The following PON3 variants were observed in gnomAD, a reference collection of about 807,000 sequenced individuals.
PON3 encodes the protein paraoxonase 3.
Under a neutral mutation model 36.3 loss-of-function variants are expected in PON3, and 37 were observed. That is an observed-to-expected ratio of 1.02 (90% confidence interval 0.78 to 1.34). PON3 has a LOEUF of 1.34. PON3 is among the 40% of genes most tolerant of loss of function. The probability of loss-of-function intolerance (pLI) is 0.00; values close to 1 mark genes in which losing one functional copy is unlikely to be tolerated. For missense variants in PON3, 415 were observed against 426.5 expected, an observed-to-expected ratio of 0.97 and a Z score of 0.24; for synonymous variants, 155 against 154.8, an observed-to-expected ratio of 1.00 and a Z score of -0.01.
At chr7:95,377,087 G>A (rs1808933943) in intron 3 of PON3, among the ~76,000 whole-genome samples, 1 of 152,224 alleles carries the variant, frequency 6.6e-6, no homozygotes. Context: ...AGCAGACCAG[G>A]AAATTCCCTC....
intron 3 of PON3, among the ~76,000 whole-genome samples, chr7:95,389,888 G>C (rs1246904525): frequency 6.6e-6 from 1 of 152,184 alleles, no homozygotes; most frequent in Non-Finnish European, 1.5e-5. Flanking sequence ...TAGGAATCGA[G>C]TGGAAATCAA....
chr7:95,372,136 C>T, intron 4 of PON3, 37 bp downstream of exon 4: 1 of 1,594,950 alleles, frequency 6.3e-7, no homozygotes, highest in Non-Finnish European at 8.6e-7. Context: ...TTCTATTTCC[C>T]TCATTTCCCC....
chr7:95,389,489 C>G (rs1240858161), intron 3 of PON3, among the ~76,000 whole-genome samples: 1 of 152,120 alleles, frequency 6.6e-6, no homozygotes, highest in Non-Finnish European at 1.5e-5. Context: ...TTTCAAAATG[C>G]AATTGATTTA....
At chr7:95,373,684 C>A (rs17886074) in intron 3 of PON3, among the ~76,000 whole-genome samples, 8,687 of 152,280 alleles carry the variant, frequency 0.057, 823 homozygotes, top group African/African-American at 0.2. Flanking sequence ...GATTGAAAAA[C>A]TCCACTACAA....
intron 1 of PON3, 37 bp from the exon 2 acceptor site, chr7:95,394,751 A>C (rs1457205964): frequency 6.5e-7 from 1 of 1,541,272 alleles, no homozygotes; most frequent in East Asian, 2.2e-5. Context: ...AAGTCAAGGC[A>C]CAGCATTCAA....
intron 3 of PON3, among the ~76,000 whole-genome samples, chr7:95,389,316 GT>G (rs1410296859): frequency 6.6e-6 from 1 of 152,080 alleles, no homozygotes; most frequent in Non-Finnish European, 1.5e-5. Context: ...TCAGGCCACG[GT>G]TATTATAAGT....
At position 95,367,367 on chromosome 7, in the gene PON3, G is replaced by A; in HGVS notation, c.489C>T (p.Leu163=). The A allele has an allele frequency of 6.2e-7, 1 of 1,612,218 alleles. No homozygotes were observed. The highest frequency in any genetic ancestry group is 8.5e-7 in the Non-Finnish European group (1 of 1,179,612). Residue 163 remains leucine (L), a synonymous_variant, in exon 5 of 9, where the codon CTC becomes CTT. Coordinates refer to ENST00000265627, the MANE Select transcript of PON3 (RefSeq NM_000940.3). ...VYLKTIKHEL[L]KSVNDIVVLG... is the part of the protein sequence containing the mutation. ...ACAATACTTTCATTCCATACCTTTT[G>A]AGAAGTTCATGTTTTATAGTTTTCA... is the stretch of plus-strand genomic sequence containing the variant.
chr7:95,391,955 G>A (rs539473632), intron 2 of PON3, among the ~76,000 whole-genome samples: 2 of 152,204 alleles, frequency 1.3e-5, no homozygotes, highest in Non-Finnish European at 2.9e-5. Context: ...AGAAGGAAAC[G>A]ATCTTGGCTC....
At chr7:95,389,552 G>T (rs1005526485) in intron 3 of PON3, among the ~76,000 whole-genome samples, 12 of 151,756 alleles carry the variant, frequency 7.9e-5, no homozygotes, top group Admixed American at 1.3e-4. Flanking sequence ...ACATTTTTTT[G>T]TTTGTTTACC....
intron 4 of PON3, among the ~76,000 whole-genome samples, chr7:95,371,202 G>GATAGACATTTGGGTT (rs1246409780): frequency 6.6e-6 from 1 of 152,018 alleles, no homozygotes; most frequent in African/African-American, 2.4e-5. Flanking sequence ...TGCATCAGTT[G>GATAGACATTTGGGTT]ATAGACATTT....
At chr7:95,380,458 A>G (rs1218051373) in intron 3 of PON3, among the ~76,000 whole-genome samples, 1 of 152,220 alleles carries the variant, frequency 6.6e-6, no homozygotes, top group Non-Finnish European at 1.5e-5. Flanking sequence ...CCTTGAAAAA[A>G]GATTAGATGA....
In PON3 at chr7:95,389,042, A is replaced by G. The variant is rs1407229412; in HGVS notation, c.201+1112T>C. Among the ~76,000 whole-genome samples, 4 of 152,226 alleles carry G rather than the reference A, an allele frequency of 2.6e-5. No individual in the cohort carries two copies. The South Asian group carries it at 8.3e-4, about 32-fold the overall frequency. On this transcript the variant is annotated intron_variant, in intron 3 of 8. Transcript: ENST00000265627. ...AGCATGGCACATGTATACCTATGTA[A>G]CAAACCTGCACGTTGTGCACATGTA...
At chr7:95,384,774 T>C (rs1429493090) in intron 3 of PON3, among the ~76,000 whole-genome samples, 2 of 152,184 alleles carry the variant, frequency 1.3e-5, no homozygotes, top group Admixed American at 6.5e-5. Flanking sequence ...TTCAACCTTG[T>C]GGAAGACAGT....
At chr7:95,366,104 T>C (rs553681419) in intron 5 of PON3, among the ~76,000 whole-genome samples, 2 of 152,236 alleles carry the variant, frequency 1.3e-5, no homozygotes, top group South Asian at 4.2e-4. Flanking sequence ...TCACACTGGT[T>C]TCTCAAGTCT....
chr7:95,376,643 T>TA (rs550088571), intron 3 of PON3, among the ~76,000 whole-genome samples: 8,556 of 143,050 alleles, frequency 0.06, 682 homozygotes, highest in African/African-American at 0.19. Flanking sequence ...CAGTGAAAAT[T>TA]AAAAAAAAAA....
chr7:95,377,912 C>T (rs901409699), intron 3 of PON3, among the ~76,000 whole-genome samples: 1 of 152,128 alleles, frequency 6.6e-6, no homozygotes. Context: ...ATGAGTTTGA[C>T]AAGTTGACAG....
chr7:95,377,687 C>A, intron 3 of PON3: 1 of 245,044 alleles, frequency 4.1e-6, no homozygotes, highest in Non-Finnish European at 8.5e-6. Context: ...CTGAGAGGCG[C>A]GACTGTTAGA....
intron 1 of PON3, among the ~76,000 whole-genome samples, chr7:95,395,449 C>T (rs1005700803): frequency 1.3e-5 from 2 of 152,066 alleles, no homozygotes; most frequent in East Asian, 1.9e-4. Flanking sequence ...TTTTATGATT[C>T]TCCATGTGGT....
chr7:95,362,188 T>C (rs577792405), intron 8 of PON3, among the ~76,000 whole-genome samples, 174 bp downstream of exon 8: 3 of 152,334 alleles, frequency 2.0e-5, no homozygotes, highest in Admixed American at 6.5e-5. Context: ...AATGGTGGCC[T>C]AAAAGAGTTA....
Sources: gnomAD v4.1 joint callset for allele counts (sites outside exome capture counted in the v4.1 genomes callset) on GRCh38, gnomAD v4.1.1 for gene constraint, MANE v1.5 for transcripts, NCBI Gene and HGNC (gene_info 2026-07-23, HGNC 2026-07-21) for gene names.